The following PPM1E variants were observed in gnomAD, a reference collection of about 807,000 sequenced individuals.
The protein encoded by PPM1E is protein phosphatase 1E.
Under a neutral mutation model 65.9 loss-of-function variants are expected in PPM1E, and 20 were observed. The ratio of observed to expected loss-of-function variants is 0.30; its 90% CI spans 0.21 to 0.44. PPM1E has a LOEUF of 0.44. PPM1E is among the 20% of genes least tolerant of loss of function. The pLI is 1.00. For missense variants in PPM1E, 713 were observed against 953.1 expected (o/e 0.75, Z 3.32); for synonymous variants, 352 against 374.9 (o/e 0.94, Z 0.70).
intron 1 of PPM1E, among the ~76,000 whole-genome samples, chr17:58,917,994 A>C (rs907886184): frequency 3.3e-5 from 5 of 152,174 alleles, no homozygotes; most frequent in Admixed American, 1.3e-4. Context: ...AGTTTCTCAG[A>C]TCTTTCTCAG....
rs1181689695 is a variant in PPM1E at position 58,983,586 on chromosome 17, T to C, written c.*2555T>C. 6.5e-6 allele frequency: 1 copy of C among 152,672 alleles called. No homozygotes were observed. The highest frequency in any genetic ancestry group is 1.5e-5 in the Non-Finnish European group (1 of 68,052). The allele number at this position is 152,672 out of a possible 1,614,324, so 9.5% of individuals were successfully genotyped here. On this transcript the variant is annotated 3_prime_UTR_variant, in exon 7 of 7. Transcript: ENST00000308249. ...TATTTCTGTAACTTGTATTTAATGA[T>C]GGTGTACCTGGTGATTGTAAAAATA...
chr17:58,955,594 T>C lies in PPM1E; in HGVS notation c.465-55T>C, dbSNP rs765439474. On this transcript the variant is annotated intron_variant, in intron 1 of 6. Transcript: ENST00000308249. The stretch of plus-strand genomic sequence containing the variant: ...AATATGTAATTATTATAACGTTAAA[T>C]GTATTACTTTCTAATTCTTTTGCTG... 3 of 1,568,646 alleles carry C rather than the reference T, an allele frequency of 1.9e-6. No homozygotes were observed. In the African/African-American group the frequency reaches 4.1e-5, roughly 21 times the overall value.
chr17:58,950,794 T>C (rs959945081), intron 1 of PPM1E, among the ~76,000 whole-genome samples: 2 of 148,890 alleles, frequency 1.3e-5, no homozygotes, highest in Middle Eastern at 3.2e-3. Flanking sequence ...TTTTTTTTTT[T>C]TTGAGACGGA....
At chr17:58,908,239 C>T (rs562317252) in intron 1 of PPM1E, among the ~76,000 whole-genome samples, 5 of 151,184 alleles carry the variant, frequency 3.3e-5, no homozygotes, top group Admixed American at 6.6e-5. Flanking sequence ...CCACCCACCA[C>T]GCCTGGCTAA....
In PPM1E at chr17:58,950,412, G is replaced by A. The variant is rs374326226; in HGVS notation, c.465-5237G>A. Among the ~76,000 whole-genome samples, 5 of 152,182 alleles carry A rather than the reference G, an allele frequency of 3.3e-5. No individual in the cohort carries two copies. In the East Asian group the frequency reaches 9.6e-4, roughly 29 times the overall value. On this transcript the variant is annotated intron_variant, in intron 1 of 6. Coordinates refer to ENST00000308249, the MANE Select transcript of PPM1E (RefSeq NM_014906.5). ...AATGTGCCTTAGAGAAGACTTGTTT[G>A]GGTTGAATCTATGTGGGAACTTTCC...
chr17:58,803,839 T>C (rs569131431), intron 1 of PPM1E, among the ~76,000 whole-genome samples: 1 of 152,384 alleles, frequency 6.6e-6, no homozygotes, highest in East Asian at 1.9e-4. Flanking sequence ...AGTCTAGTAC[T>C]ACCTTGCCAT....
chr17:58,848,308 A>G (rs1459863501), intron 1 of PPM1E, among the ~76,000 whole-genome samples: 2 of 152,058 alleles, frequency 1.3e-5, no homozygotes, highest in African/African-American at 2.4e-5. Context: ...TTCTAACACT[A>G]TGTTGAATAG....
chr17:58,882,951 CTTTTTTT>C (rs549698099), intron 1 of PPM1E, among the ~76,000 whole-genome samples: 1 of 98,836 alleles, frequency 1.0e-5, no homozygotes, highest in East Asian at 2.8e-4. Flanking sequence ...TTATTACTTT[CTTTTTTT>C]TTTTTTTTTT....
chr17:58,768,101 C>T (rs2049900671), intron 1 of PPM1E, among the ~76,000 whole-genome samples: 1 of 152,054 alleles, frequency 6.6e-6, no homozygotes, highest in South Asian at 2.1e-4. Context: ...CAGGTGCCTG[C>T]CACCTTGCCC....
chr17:58,923,766 T>G (rs1220493242), intron 1 of PPM1E, among the ~76,000 whole-genome samples: 7 of 143,318 alleles, frequency 4.9e-5, no homozygotes, highest in Admixed American at 2.1e-4. Context: ...AAAAAAAAAG[T>G]CATTTGGACA....
chr17:58,774,236 G>T (rs2049971174), intron 1 of PPM1E, among the ~76,000 whole-genome samples: 1 of 151,626 alleles, frequency 6.6e-6, no homozygotes, highest in African/African-American at 2.4e-5. Context: ...TAGGGAGAAT[G>T]TAAGAATCCA....
chr17:58,960,603 C>T (rs2030000455), intron 2 of PPM1E, among the ~76,000 whole-genome samples: 1 of 151,484 alleles, frequency 6.6e-6, no homozygotes, highest in African/African-American at 2.4e-5. Context: ...GGTGAAATTC[C>T]GTCTCTACTA....
rs533658709 is a variant in PPM1E, at chr17:58,975,594, A to G, written c.1210+2669A>G. 4.6e-5 allele frequency among the ~76,000 whole-genome samples: 7 copies of G among 152,342 alleles called. No individual in the cohort carries two copies. In the East Asian group the frequency reaches 1.3e-3, roughly 29 times the overall value. On this transcript the variant is annotated intron_variant, in intron 6 of 6. Coordinates refer to ENST00000308249, the MANE Select transcript of PPM1E (RefSeq NM_014906.5). ...AGGAAATCCCTACACAGGTAGAGGG[A>G]AATATAAATACACAGGGGTTTGAAA...
rs528602878 is a variant in PPM1E, at chr17:58,799,461, G to T, written c.464+43000G>T. On this transcript the variant is annotated intron_variant, in intron 1 of 6. Transcript: ENST00000308249. ...CACACTCAGTTACTTTTTTTTTTTT[G>T]AAATGGAGTCTTGCTCTGTCACCCA... Among the ~76,000 whole-genome samples, 991 of 148,460 alleles carry T rather than the reference G, an allele frequency of 6.7e-3. 8 individuals are homozygous for T. The highest frequency in any genetic ancestry group is 9.9e-3 in the Non-Finnish European group (662 of 67,180).
chr17:58,940,326 C>T (rs561519656), intron 1 of PPM1E, among the ~76,000 whole-genome samples: 69 of 152,164 alleles, frequency 4.5e-4, no homozygotes, highest in Non-Finnish European at 7.3e-4. Flanking sequence ...ATAATCACTT[C>T]CAACTCAAAG....
At chr17:58,858,168 T>C (rs1174488393) in intron 1 of PPM1E, among the ~76,000 whole-genome samples, 1 of 152,138 alleles carries the variant, frequency 6.6e-6, no homozygotes, top group Middle Eastern at 3.2e-3. Context: ...TTTTTTGTAC[T>C]TTTTATTTTA....
chr17:58,963,020 TTGAG>T (rs1163978503), intron 2 of PPM1E, among the ~76,000 whole-genome samples: 1 of 151,816 alleles, frequency 6.6e-6, no homozygotes, highest in Non-Finnish European at 1.5e-5. Context: ...CCCCAGGAAT[TTGAG>T]GCTGCAGTGA....
chr17:58,925,397 A>G (rs2051811611), intron 1 of PPM1E, among the ~76,000 whole-genome samples: 1 of 151,558 alleles, frequency 6.6e-6, no homozygotes, highest in Admixed American at 6.6e-5. Flanking sequence ...GTGTTTGTTC[A>G]TATCCTTTGC....
intron 1 of PPM1E, among the ~76,000 whole-genome samples, chr17:58,772,669 T>G (rs1381912392): frequency 6.6e-6 from 1 of 152,150 alleles, no homozygotes; most frequent in Non-Finnish European, 1.5e-5. Flanking sequence ...GCACATTTGG[T>G]ACTTGTCTGG....
Sources: gnomAD v4.1 joint callset for allele counts (sites outside exome capture counted in the v4.1 genomes callset) on GRCh38, gnomAD v4.1.1 for gene constraint, MANE v1.5 for transcripts, NCBI Gene and HGNC (gene_info 2026-07-23, HGNC 2026-07-21) for gene names.